Variants in KLRG1 observed in about 807,000 individuals in gnomAD.
KLRG1 encodes the protein killer cell lectin-like receptor subfamily G member 1.
In KLRG1, 16 loss-of-function variants were observed where a neutral mutation model predicts 21.8. The observed-to-expected ratio is 0.73, with a 90% CI of 0.50 to 1.11. The LOEUF (loss-of-function observed/expected upper bound fraction) is 1.11. Ranked by LOEUF, KLRG1 falls within the 50% of genes most tolerant of loss-of-function variation. KLRG1 has a pLI of 0.00. For synonymous variants in KLRG1, 69 were observed against 75.9 expected, an observed-to-expected ratio of 0.91 and a Z score of 0.47; for missense variants, 173 against 218.3, an observed-to-expected ratio of 0.79 and a Z score of 1.31.
At chr12:9,190,897 G>T in the KLRG1 span, among the ~76,000 whole-genome samples, 1 of 152,148 alleles carries the variant, frequency 6.6e-6, no homozygotes, top group African/African-American at 2.4e-5. Context: ...TAGACAAATT[G>T]TGAATAAAAT....
chr12:8,971,123 G>A (rs1946559832), intron 1 of KLRG1: 1 of 152,124 alleles, frequency 6.6e-6, no homozygotes, highest in Non-Finnish European at 1.5e-5. Context: ...AATTGGGAGA[G>A]TGTACTTACA....
At chr12:8,998,637 C>T (rs988266308) in intron 3 of KLRG1, among the ~76,000 whole-genome samples, 5 of 150,542 alleles carry the variant, frequency 3.3e-5, no homozygotes, top group East Asian at 2.0e-4. Flanking sequence ...TGCAGTTAGC[C>T]GTGATCACAC....
At chr12:9,211,000 C>T in the KLRG1 span, among the ~76,000 whole-genome samples, 15 of 152,212 alleles carry the variant, frequency 9.9e-5, no homozygotes, top group East Asian at 9.6e-4. Flanking sequence ...TCTTGCAAGA[C>T]GCATACACAG....
chr12:9,124,547 C>G, the KLRG1 span, among the ~76,000 whole-genome samples: 1 of 152,258 alleles, frequency 6.6e-6, no homozygotes, highest in South Asian at 2.1e-4. Flanking sequence ...GAGCCCGGGA[C>G]AAGCGGGAGA....
the KLRG1 span, chr12:9,077,429 A>C: frequency 2.0e-3 from 3,200 of 1,609,894 alleles, 3 homozygotes; most frequent in Non-Finnish European, 2.4e-3. Flanking sequence ...CCCTGTGAAT[A>C]CGAGAGAGAG....
chr12:9,204,952 T>A, the KLRG1 span, among the ~76,000 whole-genome samples: 8 of 151,902 alleles, frequency 5.3e-5, no homozygotes, highest in South Asian at 1.7e-3. Context: ...AAATAAAAAA[T>A]TTAGCCAGGT....
At chr12:9,086,375 C>A in the KLRG1 span, among the ~76,000 whole-genome samples, 2 of 152,198 alleles carry the variant, frequency 1.3e-5, no homozygotes, top group Admixed American at 1.3e-4. Context: ...AAAAACTAAA[C>A]CAACCAACCA....
At chr12:9,141,907 A>G in the KLRG1 span, among the ~76,000 whole-genome samples, 1 of 152,216 alleles carries the variant, frequency 6.6e-6, no homozygotes, top group Admixed American at 6.5e-5. Flanking sequence ...CCTAGCTGCA[A>G]AGCAGGCAAG....
At chr12:9,124,827 T>C in the KLRG1 span, among the ~76,000 whole-genome samples, 15,049 of 152,286 alleles carry the variant, frequency 0.099, 947 homozygotes, top group African/African-American at 0.17. Flanking sequence ...GCAGGTCCCC[T>C]GTAAGGCCCC....
chr12:9,075,430 T>C, the KLRG1 span, among the ~76,000 whole-genome samples: 1 of 152,172 alleles, frequency 6.6e-6, no homozygotes, highest in African/African-American at 2.4e-5. Flanking sequence ...GCAGCATTTT[T>C]TTTAATAGCA....
chr12:9,022,418 A>G, the KLRG1 span, among the ~76,000 whole-genome samples: 4 of 152,180 alleles, frequency 2.6e-5, no homozygotes, highest in African/African-American at 4.8e-5. Context: ...AAACATTGTT[A>G]TGTATATATG....
At chr12:9,206,242 G>A in the KLRG1 span, among the ~76,000 whole-genome samples, 1 of 151,230 alleles carries the variant, frequency 6.6e-6, no homozygotes, top group Non-Finnish European at 1.5e-5. Flanking sequence ...ATCTTAATAA[G>A]AAGGTATATA....
the KLRG1 span, chr12:9,192,868 G>A: frequency 3.4e-4 from 196 of 571,470 alleles, 1 homozygote; most frequent in South Asian, 1.8e-3. Flanking sequence ...CATACTGGTC[G>A]ACAGCCAAAT....
intron 1 of KLRG1, among the ~76,000 whole-genome samples, chr12:8,961,419 A>G (rs1176341788): frequency 6.6e-6 from 1 of 151,904 alleles, no homozygotes; most frequent in Non-Finnish European, 1.5e-5. Flanking sequence ...TTATTTATTT[A>G]TTTATTTTTA....
chr12:9,110,048 A>G, the KLRG1 span: 1 of 1,596,842 alleles, frequency 6.3e-7, no homozygotes, highest in East Asian at 2.2e-5. Context: ...ATATGAGTAA[A>G]TTAATTATAA....
chr12:9,194,768 T>A, the KLRG1 span, among the ~76,000 whole-genome samples: 1 of 152,114 alleles, frequency 6.6e-6, no homozygotes, highest in Non-Finnish European at 1.5e-5. Context: ...CCGGCCAAAG[T>A]CAGGGAGATT....
At chr12:9,153,860 A>G in the KLRG1 span, among the ~76,000 whole-genome samples, 1 of 152,266 alleles carries the variant, frequency 6.6e-6, no homozygotes. Flanking sequence ...GGGAAAAGCC[A>G]GACACTCTGG....
chr12:9,174,480 G>T, the KLRG1 span, among the ~76,000 whole-genome samples: 20 of 152,024 alleles, frequency 1.3e-4, no homozygotes. Flanking sequence ...AGGGCAATCA[G>T]GCAAGAGAAA....
the KLRG1 span, among the ~76,000 whole-genome samples, chr12:9,161,575 C>T: frequency 6.6e-6 from 1 of 152,150 alleles, no homozygotes; most frequent in East Asian, 1.9e-4. Flanking sequence ...GGAACTATCG[C>T]TCTCCACTTT....
Sources: allele counts gnomAD v4.1 joint callset (sites outside exome capture counted in the v4.1 genomes callset), GRCh38; gene constraint gnomAD v4.1.1; transcripts MANE v1.5; gene names NCBI Gene and HGNC (gene_info 2026-07-23, HGNC 2026-07-21).